DPY19L3: variants seen among roughly 807,000 people sequenced by gnomAD.
DPY19L3 encodes the protein protein C-mannosyl-transferase DPY19L3.
A neutral mutation model predicts 92.3 loss-of-function variants in DPY19L3; 51 were observed. The observed-to-expected ratio is 0.55, with a 90% confidence interval of 0.44 to 0.70. The LOEUF (loss-of-function observed/expected upper bound fraction) is 0.70. Ranked by LOEUF, DPY19L3 falls within the 30% of genes least tolerant of loss-of-function variation. The pLI is 0.00. For missense variants in DPY19L3, 706 were observed against 855.9 expected, an observed-to-expected ratio of 0.82 and a Z score of 2.18; for synonymous variants, 309 against 315.2, an observed-to-expected ratio of 0.98 and a Z score of 0.21.
rs1970100534 is a variant in DPY19L3, at chr19:32,463,357, T to C, written c.1323-9T>C. 6.2e-7 allele frequency: 1 copy of C among 1,613,042 alleles called. No individual in the cohort carries two copies. The highest frequency in any genetic ancestry group is 2.2e-5 in the East Asian group (1 of 44,798). ...CAGCTTAAATTTTGTATGTTGCTGTTTTACTCAGTGATTCTACAAATCAAC... is the reference window on the plus strand; with the variant it reads ...CAGCTTAAATTTTGTATGTTGCTGTCTTACTCAGTGATTCTACAAATCAAC... On this transcript the variant is annotated splice_polypyrimidine_tract_variant and intron_variant, in intron 12 of 18. Coordinates refer to ENST00000392250, the MANE Select transcript of DPY19L3 (RefSeq NM_001172774.2).
intron 3 of DPY19L3, among the ~76,000 whole-genome samples, chr19:32,431,763 C>T (rs1316269352): frequency 6.6e-6 from 1 of 152,202 alleles, no homozygotes; most frequent in Non-Finnish European, 1.5e-5. Flanking sequence ...GTGTCACTAT[C>T]TCAACCATCC....
Position 32,439,161 on chromosome 19 carries a change from G to A in DPY19L3, c.646G>A (p.Ala216Thr), listed in dbSNP as rs201680307. 1 of 1,613,468 alleles carries A rather than the reference G, an allele frequency of 6.2e-7. No homozygotes were observed. The highest frequency in any genetic ancestry group is 2.2e-5 in the East Asian group (1 of 44,872). The change falls in exon 7 of 19, where the codon GCG becomes ACG. Residue 216 changes from alanine (A) to threonine (T), a missense_variant. Physicochemically the swap from Ala to Thr is moderately conservative, Grantham distance 58. Transcript: ENST00000392250. ...EFTIPLRENW[A>T]LPFFAIQIAA... is the part of the protein sequence containing the mutation. ...TACCATCCCACTGAGGGAGAACTGGGCGCTGCCATTCTTTGCAATTCAGAT... is the reference window on the plus strand; with the variant it reads ...TACCATCCCACTGAGGGAGAACTGGACGCTGCCATTCTTTGCAATTCAGAT...
chr19:32,475,389 G>C (rs1006532243), intron 16 of DPY19L3, among the ~76,000 whole-genome samples: 37 of 152,296 alleles, frequency 2.4e-4, no homozygotes, highest in African/African-American at 7.9e-4. Flanking sequence ...GTGGAAACCA[G>C]ACTCATCATG....
In DPY19L3 at chr19:32,463,852, T is replaced by G; in HGVS notation, c.1446-17T>G. 1 of 1,602,732 alleles carries G rather than the reference T, an allele frequency of 6.2e-7. No homozygotes were observed. Among genetic ancestry groups the G allele is most frequent in the Non-Finnish European group, 8.5e-7 (1 of 1,170,250 alleles). On this transcript the variant is annotated splice_polypyrimidine_tract_variant and intron_variant, in intron 13 of 18. Coordinates refer to ENST00000392250, the MANE Select transcript of DPY19L3 (RefSeq NM_001172774.2). ...ACAACTAGTACTTCTGACTTGCGCC[T>G]GTGTCTGTTCTTGCAGAATGAAGTA...
At chr19:32,457,207 T>C (rs2145575238) in intron 10 of DPY19L3, among the ~76,000 whole-genome samples, 1 of 152,330 alleles carries the variant, frequency 6.6e-6, no homozygotes, top group Admixed American at 6.5e-5. Context: ...GCCAGTGACC[T>C]ACAACAAGAG....
Position 32,405,776 on chromosome 19 carries a change from A to C in DPY19L3, c.-171A>C. Reference sequence around the variant, plus strand: ...TGACGCCCCCCAGCCCCTCATTTCCACAAAGCTCCGCGGCGGTTCTGCCCT... The same window carrying C: ...TGACGCCCCCCAGCCCCTCATTTCCCCAAAGCTCCGCGGCGGTTCTGCCCT... On this transcript the variant is annotated 5_prime_UTR_variant, in exon 1 of 19. Coordinates refer to ENST00000392250, the MANE Select transcript of DPY19L3 (RefSeq NM_001172774.2). 1 of 151,506 alleles carries C rather than the reference A, an allele frequency of 6.6e-6. No individual in the cohort carries two copies. Among genetic ancestry groups the C allele is most frequent in the Non-Finnish European group, 1.5e-5 (1 of 67,852 alleles). 9.4% of individuals were successfully genotyped at this position (151,506 alleles called of 1,614,324 possible).
rs748122444 is a variant in DPY19L3, at chr19:32,436,583, T to G, written c.450+16T>G. 1.4e-6 allele frequency: 2 copies of G among 1,460,740 alleles called. No individual in the cohort carries two copies. Among genetic ancestry groups the G allele is most frequent in the Non-Finnish European group, 1.8e-6 (2 of 1,094,242 alleles). The allele number at this position is 1,460,740 out of a possible 1,614,324, so 90.5% of individuals were successfully genotyped here. The stretch of plus-strand genomic sequence containing the variant: ...ACCCATACAGGTATGTTTTGTGATA[T>G]TGAATTATTAATATCAGATGAAAGT... On this transcript the variant is annotated intron_variant, in intron 5 of 18. Transcript: ENST00000392250.
At chr19:32,414,242 A>C (rs1968300027) in intron 3 of DPY19L3, among the ~76,000 whole-genome samples, 1 of 152,052 alleles carries the variant, frequency 6.6e-6, no homozygotes. Flanking sequence ...AACACGGTGA[A>C]ATCCCGTCTG....
intron 17 of DPY19L3, chr19:32,479,632 A>G (rs987733202): frequency 2.1e-5 from 9 of 434,498 alleles, no homozygotes; most frequent in East Asian, 1.6e-4. Flanking sequence ...TCAGGGTGCA[A>G]CAAAGGAGGC....
intron 2 of DPY19L3, 26 bp downstream of exon 2, chr19:32,408,382 A>T: frequency 6.4e-7 from 1 of 1,558,110 alleles, no homozygotes; most frequent in Non-Finnish European, 8.8e-7. Flanking sequence ...TAAAGCAGCA[A>T]TTTGGGTTGC....
In DPY19L3 at chr19:32,420,740, G is replaced by A. The variant is rs12981512; in HGVS notation, c.237+9368G>A. Reference sequence around the variant, plus strand: ...GCTGGGATTACAAGCATGAGCCACCGCGGCCTGCCATGTGTTTAATAAATT... The same window carrying A: ...GCTGGGATTACAAGCATGAGCCACCACGGCCTGCCATGTGTTTAATAAATT... On this transcript the variant is annotated intron_variant, in intron 3 of 18. Transcript: ENST00000392250. 5.2e-3 allele frequency among the ~76,000 whole-genome samples: 788 copies of A among 152,226 alleles called. 1 individual carries two copies. The highest frequency in any genetic ancestry group is 8.9e-3 in the Non-Finnish European group (606 of 68,012).
In DPY19L3 at chr19:32,450,217, A is replaced by G. The variant is rs576700891; in HGVS notation, c.856-2928A>G. 7.1e-4 allele frequency among the ~76,000 whole-genome samples: 108 copies of G among 152,326 alleles called. 1 individual carries two copies. In the South Asian group the frequency reaches 0.02, roughly 29 times the overall value. On this transcript the variant is annotated intron_variant, in intron 8 of 18. Coordinates refer to ENST00000392250, the MANE Select transcript of DPY19L3 (RefSeq NM_001172774.2). ...CTTTACACCCACTTGGATGGCTAAAATTAAAAAACAGAGACAAATGTCGCG... is the reference window on the plus strand; with the variant it reads ...CTTTACACCCACTTGGATGGCTAAAGTTAAAAAACAGAGACAAATGTCGCG...
intron 3 of DPY19L3, among the ~76,000 whole-genome samples, chr19:32,425,768 G>A (rs1052660269): frequency 6.6e-6 from 1 of 152,076 alleles, no homozygotes; most frequent in Non-Finnish European, 1.5e-5. Context: ...CACATGGGCT[G>A]TCATCCAGGT....
At chr19:32,426,105 C>T (rs1176420415) in intron 3 of DPY19L3, among the ~76,000 whole-genome samples, 5 of 152,214 alleles carry the variant, frequency 3.3e-5, no homozygotes, top group African/African-American at 4.8e-5. Flanking sequence ...TCAGCACTTT[C>T]AGCTTCACCT....
rs1182688678 is a variant in DPY19L3, at chr19:32,482,341, C to A, written c.*101C>A. The A allele has an allele frequency of 2.9e-6, 4 of 1,368,294 alleles. No individual in the cohort carries two copies. Among genetic ancestry groups the A allele is most frequent in the Non-Finnish European group, 3.0e-6 (3 of 999,244 alleles). The allele number at this position is 1,368,294 out of a possible 1,614,324, so 84.8% of individuals were successfully genotyped here. A position where few individuals can be genotyped will look rare whatever the true frequency, so the allele number is the denominator to read the frequency against. On this transcript the variant is annotated 3_prime_UTR_variant, in exon 19 of 19. Transcript: ENST00000392250. ...TATGTAAGTAGGTAGCCCAAACCTT[C>A]AAGCTGTGATATGAGTAAGTTCTAC...
chr19:32,459,109 G>A (rs898918268), intron 12 of DPY19L3, among the ~76,000 whole-genome samples: 1 of 152,118 alleles, frequency 6.6e-6, no homozygotes, highest in African/African-American at 2.4e-5. Context: ...ATAATTATTA[G>A]TATCTACTAA....
chr19:32,446,626 C>T (rs1969507426), intron 8 of DPY19L3, among the ~76,000 whole-genome samples: 1 of 152,160 alleles, frequency 6.6e-6, no homozygotes, highest in Non-Finnish European at 1.5e-5. Flanking sequence ...CAGAACAGAA[C>T]ATTATATAAT....
chr19:32,458,852 C>A (rs1045180629), intron 12 of DPY19L3, among the ~76,000 whole-genome samples: 13 of 152,234 alleles, frequency 8.5e-5, no homozygotes, highest in Admixed American at 6.5e-4. Flanking sequence ...TAAGTAAAAA[C>A]AACATAAAGC....
chr19:32,440,165 T>A (rs530951889), intron 8 of DPY19L3, among the ~76,000 whole-genome samples: 2 of 152,374 alleles, frequency 1.3e-5, no homozygotes, highest in Admixed American at 1.3e-4. Flanking sequence ...GGTCAATTGT[T>A]ATTTATAGAG....
Sources: gnomAD v4.1 joint callset for allele counts (sites outside exome capture counted in the v4.1 genomes callset) on GRCh38, gnomAD v4.1.1 for gene constraint, MANE v1.5 for transcripts, NCBI Gene and HGNC (gene_info 2026-07-23, HGNC 2026-07-21) for gene names.